Variants in PPFIA2 observed in about 807,000 individuals in gnomAD.
PPFIA2 encodes the protein liprin-alpha-2.
A neutral mutation model predicts 175.5 loss-of-function variants in PPFIA2; 46 were observed. The ratio of observed to expected loss-of-function variants is 0.26; its 90% confidence interval spans 0.21 to 0.34. The LOEUF (loss-of-function observed/expected upper bound fraction) is 0.34. PPFIA2 is among the 10% of genes least tolerant of loss of function. The pLI is 1.00. For synonymous variants in PPFIA2, 568 were observed against 511.4 expected, an observed-to-expected ratio of 1.11 and a Z score of -1.49; for missense variants, 1,179 against 1,506.1, an observed-to-expected ratio of 0.78 and a Z score of 3.60.
At chr12:81,623,200 T>G (rs1174741101) in intron 4 of PPFIA2, among the ~76,000 whole-genome samples, 1 of 152,032 alleles carries the variant, frequency 6.6e-6, no homozygotes, top group Non-Finnish European at 1.5e-5. Context: ...TAGCATTAAA[T>G]AGAAGTGTGA....
At chr12:81,366,937 G>T (rs998381559) in intron 14 of PPFIA2, among the ~76,000 whole-genome samples, 171 bp downstream of exon 14, 3 of 151,642 alleles carry the variant, frequency 2.0e-5, no homozygotes, top group Non-Finnish European at 3.0e-5. Flanking sequence ...GATTCATGAA[G>T]CTCTTCCTCT....
chr12:81,311,452 G>T (rs915872165), intron 22 of PPFIA2, among the ~76,000 whole-genome samples: 4 of 152,084 alleles, frequency 2.6e-5, no homozygotes, highest in Non-Finnish European at 5.9e-5. Context: ...AGGTAGAGGC[G>T]GCCCGGCGTG....
intron 4 of PPFIA2, among the ~76,000 whole-genome samples, chr12:81,458,389 G>C (rs1345669283): frequency 6.7e-6 from 1 of 150,294 alleles, no homozygotes; most frequent in Non-Finnish European, 1.5e-5. Context: ...CCTAAGATTT[G>C]ATAGCATTAT....
At chr12:81,332,167 T>C (rs2056253401) in intron 21 of PPFIA2, among the ~76,000 whole-genome samples, 1 of 152,000 alleles carries the variant, frequency 6.6e-6, no homozygotes, top group Non-Finnish European at 1.5e-5. Flanking sequence ...GGAACTCAGA[T>C]CATCTTATTT....
chr12:81,311,950 A>C lies in PPFIA2; in HGVS notation c.2643-12568T>G, dbSNP rs1246211612. ...TAAAACTGAAGAAATACAAGTGCCC[A>C]AAAGCTTACATAATTAATTAAAATG... is the stretch of plus-strand genomic sequence containing the variant. On this transcript the variant is annotated intron_variant, in intron 22 of 32. Coordinates refer to ENST00000549396, the MANE Select transcript of PPFIA2 (RefSeq NM_003625.5). 1.0e-5 allele frequency: 6 copies of C among 571,782 alleles called. No homozygotes were observed. The Admixed American group carries it at 1.5e-4, about 15-fold the overall frequency. 35.4% of individuals were successfully genotyped at this position (571,782 alleles called of 1,614,324 possible).
intron 7 of PPFIA2, among the ~76,000 whole-genome samples, chr12:81,435,338 C>T (rs1164580247): frequency 6.6e-6 from 1 of 152,136 alleles, no homozygotes; most frequent in Non-Finnish European, 1.5e-5. Context: ...ATTAACAAAG[C>T]CCTGTGGCAA....
intron 8 of PPFIA2, among the ~76,000 whole-genome samples, chr12:81,398,647 C>T (rs1487453837): frequency 6.6e-6 from 1 of 152,054 alleles, no homozygotes; most frequent in Non-Finnish European, 1.5e-5. Context: ...TTATCTCATT[C>T]TTAAAGACCC....
chr12:81,501,955 G>A (rs1036678575), intron 4 of PPFIA2, among the ~76,000 whole-genome samples: 7 of 152,098 alleles, frequency 4.6e-5, no homozygotes, highest in Non-Finnish European at 7.4e-5. Context: ...GAGCCCTGGC[G>A]GTGGGAGAGT....
chr12:81,655,365 G>T (rs2067624168), intron 4 of PPFIA2, among the ~76,000 whole-genome samples: 1 of 150,504 alleles, frequency 6.6e-6, no homozygotes, highest in African/African-American at 2.4e-5. Flanking sequence ...TTTTTCCCTA[G>T]GTTCTTAGAT....
chr12:81,589,915 C>G (rs147642991), intron 4 of PPFIA2, among the ~76,000 whole-genome samples: 1 of 152,212 alleles, frequency 6.6e-6, no homozygotes, highest in African/African-American at 2.4e-5. Context: ...TCACTCCTCA[C>G]TGAAAATTCT....
At chr12:81,379,559 T>C (rs1315811304) in intron 9 of PPFIA2, among the ~76,000 whole-genome samples, 1 of 152,162 alleles carries the variant, frequency 6.6e-6, no homozygotes, top group African/African-American at 2.4e-5. Context: ...CACAGCTATG[T>C]ATTTGATATA....
intron 4 of PPFIA2, among the ~76,000 whole-genome samples, chr12:81,521,338 G>GTA (rs2063100255): frequency 2.0e-5 from 3 of 151,982 alleles, no homozygotes; most frequent in Admixed American, 2.0e-4. Flanking sequence ...ATAACTTGAC[G>GTA]TATTTATCAT....
intron 4 of PPFIA2, among the ~76,000 whole-genome samples, chr12:81,632,977 G>T (rs1382868709): frequency 6.6e-6 from 1 of 152,006 alleles, no homozygotes; most frequent in African/African-American, 2.4e-5. Flanking sequence ...GTTTCTGCCT[G>T]ACTAGGAAAA....
intron 11 of PPFIA2, 119 bp from the exon 12 acceptor site, chr12:81,369,313 A>G: frequency 6.6e-7 from 1 of 1,521,524 alleles, no homozygotes; most frequent in Non-Finnish European, 8.8e-7. Flanking sequence ...AGTTTTTAAA[A>G]AATAAACTTT....
At chr12:81,266,911 T>C (rs1445673126) in intron 30 of PPFIA2, 41 bp downstream of exon 30, 1 of 1,432,052 alleles carries the variant, frequency 7.0e-7, no homozygotes. Context: ...TCATTTTTCT[T>C]TTACTCTCTC....
chr12:81,484,216 G>A (rs1326191594), intron 4 of PPFIA2, among the ~76,000 whole-genome samples: 2 of 151,150 alleles, frequency 1.3e-5, no homozygotes, highest in East Asian at 3.9e-4. Context: ...TCTTGAGGTG[G>A]CTGTAATGGA....
At chr12:81,271,373 C>T (rs762257877) in intron 28 of PPFIA2, among the ~76,000 whole-genome samples, 2 of 152,236 alleles carry the variant, frequency 1.3e-5, no homozygotes, top group Non-Finnish European at 2.9e-5. Flanking sequence ...AAGGTTCAAG[C>T]GATTCTCCTG....
At chr12:81,334,341 C>A (rs10778811) in intron 21 of PPFIA2, among the ~76,000 whole-genome samples, 1 of 151,856 alleles carries the variant, frequency 6.6e-6, no homozygotes, top group African/African-American at 2.4e-5. Context: ...AAAGTGAAAA[C>A]TCCTCGATGC....
At chr12:81,618,203 C>T (rs1187613198) in intron 4 of PPFIA2, among the ~76,000 whole-genome samples, 1 of 151,830 alleles carries the variant, frequency 6.6e-6, no homozygotes. Flanking sequence ...CAGCTCTCTA[C>T]TTTCTTAATC....
Sources: gnomAD v4.1 joint callset for allele counts (sites outside exome capture counted in the v4.1 genomes callset) on GRCh38, gnomAD v4.1.1 for gene constraint, MANE v1.5 for transcripts, NCBI Gene and HGNC (gene_info 2026-07-23, HGNC 2026-07-21) for gene names.